CCDC198: variants seen among roughly 807,000 people sequenced by gnomAD.
The protein encoded by CCDC198 is coiled-coil domain containing 198.
A neutral mutation model predicts 35.6 loss-of-function variants in CCDC198; 18 were observed. The ratio of observed to expected loss-of-function variants is 0.51; its 90% confidence interval spans 0.35 to 0.75. The LOEUF (loss-of-function observed/expected upper bound fraction) is 0.75, where lower values mean the gene tolerates loss of function less well. CCDC198 is among the 30% of genes least tolerant of loss of function. The pLI, the probability that CCDC198 is intolerant of heterozygous loss-of-function variation, is 0.01. For missense variants in CCDC198, 365 were observed against 343.7 expected, an observed-to-expected ratio of 1.06 and a Z score of -0.49; for synonymous variants, 119 against 113.4, an observed-to-expected ratio of 1.05 and a Z score of -0.31.
rs2067660312 is a variant in CCDC198 at position 57,493,787 on chromosome 14, A to C, written c.-72T>G. On this transcript the variant is annotated 5_prime_UTR_variant, in exon 1 of 6. Transcript: ENST00000216445. ...GGGGTCTTTAATATAGCTTATTTTA[A>C]TCAAAGCATTTCAGAAGTTTACCCT... 8.7e-7 allele frequency: 1 copy of C among 1,150,498 alleles called. No homozygotes were observed. Among genetic ancestry groups the C allele is most frequent in the Non-Finnish European group, 1.2e-6 (1 of 804,338 alleles). 71.3% of individuals were successfully genotyped at this position (1,150,498 alleles called of 1,614,324 possible). A position where few individuals can be genotyped will look rare whatever the true frequency, so the allele number is the denominator to read the frequency against.
intron 5 of CCDC198, among the ~76,000 whole-genome samples, chr14:57,473,882 AT>A (rs1423684857): frequency 1.3e-5 from 2 of 152,140 alleles, no homozygotes; most frequent in East Asian, 3.8e-4. Context: ...TGAATCTCTC[AT>A]TCACCTAGAG....
intron 5 of CCDC198, among the ~76,000 whole-genome samples, chr14:57,477,444 A>G (rs2067038440): frequency 1.3e-5 from 2 of 152,268 alleles, no homozygotes; most frequent in Admixed American, 6.5e-5. Context: ...ATTTCATGCT[A>G]GCAAAATCTA....
Position 57,493,486 on chromosome 14 carries a change from T to C in CCDC198, c.223+7A>G. On this transcript the variant is annotated splice_region_variant and intron_variant, in intron 1 of 5. Transcript: ENST00000216445. The stretch of plus-strand genomic sequence containing the variant: ...TACACACATCTCATGCTGGGTTTTA[T>C]GTTTACCTGTAGAATATCTTCCATA... 6.2e-7 allele frequency: 1 copy of C among 1,610,536 alleles called. No homozygotes were observed. The highest frequency in any genetic ancestry group is 8.5e-7 in the Non-Finnish European group (1 of 1,176,874).
chr14:57,489,053 A>T (rs750926684), intron 2 of CCDC198, among the ~76,000 whole-genome samples: 2 of 152,186 alleles, frequency 1.3e-5, no homozygotes, highest in Admixed American at 6.6e-5. Context: ...AAATCATTCT[A>T]TTATAAAGAT....
chr14:57,479,782 C>T (rs1382460468), intron 5 of CCDC198, among the ~76,000 whole-genome samples: 1 of 152,138 alleles, frequency 6.6e-6, no homozygotes, highest in Non-Finnish European at 1.5e-5. Context: ...GTTTTTGATT[C>T]AGTTACTCTG....
intron 5 of CCDC198, among the ~76,000 whole-genome samples, chr14:57,475,914 G>A (rs988975756): frequency 1.4e-5 from 2 of 143,402 alleles, no homozygotes; most frequent in African/African-American, 2.6e-5. Context: ...TAATTCTCGT[G>A]CCTCAGCCTC....
At chr14:57,483,364 C>T (rs924594693) in intron 2 of CCDC198, 1 of 598,266 alleles carries the variant, frequency 1.7e-6, no homozygotes, top group Non-Finnish European at 2.8e-6. Flanking sequence ...GCACTGTCGA[C>T]AGTGCCTTAT....
chr14:57,473,400 C>T (rs936813102), intron 5 of CCDC198, among the ~76,000 whole-genome samples: 43 of 152,330 alleles, frequency 2.8e-4, no homozygotes, highest in African/African-American at 9.9e-4. Context: ...GCTTCTGCTC[C>T]TGGCTACCCT....
chr14:57,478,116 C>G (rs143759684), intron 5 of CCDC198, among the ~76,000 whole-genome samples: 3 of 152,196 alleles, frequency 2.0e-5, no homozygotes, highest in Non-Finnish European at 2.9e-5. Flanking sequence ...TCTCCCTTCT[C>G]TACACTCCAT....
intron 5 of CCDC198, chr14:57,478,982 C>T (rs1566577547): frequency 2.3e-6 from 3 of 1,289,068 alleles, no homozygotes; most frequent in African/African-American, 3.0e-5. Flanking sequence ...GCACAGCGAT[C>T]TGTGTGTGTG....
At chr14:57,483,985 A>G (rs1458632263) in intron 2 of CCDC198, among the ~76,000 whole-genome samples, 2 of 152,196 alleles carry the variant, frequency 1.3e-5, no homozygotes, top group East Asian at 1.9e-4. Context: ...ATAGATGTAC[A>G]TTTGCTTGTG....
intron 2 of CCDC198, among the ~76,000 whole-genome samples, chr14:57,484,054 TCTG>T (rs1174139350): frequency 6.6e-6 from 1 of 151,798 alleles, no homozygotes; most frequent in East Asian, 1.9e-4. Context: ...GCAGAAAAAA[TCTG>T]CAGGGCAGAA....
chr14:57,480,951 A>G (rs1194610518), intron 4 of CCDC198, among the ~76,000 whole-genome samples, 197 bp from the exon 5 acceptor site: 2 of 152,218 alleles, frequency 1.3e-5, no homozygotes, highest in East Asian at 3.8e-4. Context: ...GAGAAAGGTG[A>G]GTGCACCCAG....
intron 2 of CCDC198, chr14:57,483,383 G>T: frequency 5.7e-6 from 3 of 523,330 alleles, no homozygotes; most frequent in Non-Finnish European, 1.0e-5. Flanking sequence ...ATTGATCTAA[G>T]TGTTGGTCAG....
At chr14:57,477,515 T>C (rs1353831851) in intron 5 of CCDC198, among the ~76,000 whole-genome samples, 1 of 151,668 alleles carries the variant, frequency 6.6e-6, no homozygotes, top group Non-Finnish European at 1.5e-5. Context: ...CGTACAGGAG[T>C]TGTTACAAAG....
In CCDC198 at chr14:57,469,631, A is replaced by G. The variant is rs1370239259; in HGVS notation, c.*1724T>C. ...TCTCATTTTTTCTAGAAAGCTGGCT[A>G]GTCAAACAATGCATGCTTTCTTTTG... is the stretch of plus-strand genomic sequence containing the variant. On this transcript the variant is annotated 3_prime_UTR_variant, in exon 6 of 6. Coordinates refer to ENST00000216445, the MANE Select transcript of CCDC198 (RefSeq NM_018168.4). The G allele has an allele frequency of 1.3e-5, 2 of 152,220 alleles. No homozygotes were observed. Among genetic ancestry groups the G allele is most frequent in the Admixed American group, 6.5e-5 (1 of 15,280 alleles). 9.4% of individuals were successfully genotyped at this position (152,220 alleles called of 1,614,324 possible).
chr14:57,473,785 A>T (rs535259735), intron 5 of CCDC198, among the ~76,000 whole-genome samples: 1 of 152,246 alleles, frequency 6.6e-6, no homozygotes, highest in African/African-American at 2.4e-5. Flanking sequence ...CTTAAGATAG[A>T]GTTTAAAATT....
Position 57,470,840 on chromosome 14 carries a change from A to G in CCDC198, c.*515T>C, listed in dbSNP as rs1470843527. ...AAGTCAGTTCTATGACTAGCTTTTA[A>G]GAAGACTGGCAACTTCTGTTTCCTC... On this transcript the variant is annotated 3_prime_UTR_variant, in exon 6 of 6. Transcript: ENST00000216445. 6.5e-6 allele frequency: 1 copy of G among 153,300 alleles called. No homozygotes were observed. Among genetic ancestry groups the G allele is most frequent in the African/African-American group, 2.4e-5 (1 of 41,462 alleles). 9.5% of individuals were successfully genotyped at this position (153,300 alleles called of 1,614,324 possible).
At chr14:57,480,364 A>T in intron 5 of CCDC198, 5 of 904,318 alleles carry the variant, frequency 5.5e-6, no homozygotes, top group African/African-American at 1.8e-5. Flanking sequence ...AAAGCATATT[A>T]AACCCATACA....
Sources: gnomAD v4.1 joint callset for allele counts (sites outside exome capture counted in the v4.1 genomes callset) on GRCh38, gnomAD v4.1.1 for gene constraint, MANE v1.5 for transcripts, NCBI Gene and HGNC (gene_info 2026-07-23, HGNC 2026-07-21) for gene names.